The following TANC2 variants were observed in gnomAD, a reference collection of about 807,000 sequenced individuals.
TANC2 encodes the protein protein TANC2.
Under a neutral mutation model 210.5 loss-of-function variants are expected in TANC2, and 26 were observed. That is an observed-to-expected ratio of 0.12 (90% CI 0.09 to 0.17). The LOEUF (loss-of-function observed/expected upper bound fraction) is 0.17, where lower values mean the gene tolerates loss of function less well. TANC2 is among the 10% of genes least tolerant of loss of function. TANC2 has a pLI of 1.00. For missense variants in TANC2, 2,129 were observed against 2,608.9 expected (o/e 0.82, Z 4.01); for synonymous variants, 931 against 967.1 (o/e 0.96, Z 0.69).
At chr17:63,380,323 T>C (rs1227756141) in intron 15 of TANC2, among the ~76,000 whole-genome samples, 3 of 152,214 alleles carry the variant, frequency 2.0e-5, no homozygotes, top group Non-Finnish European at 4.4e-5. Flanking sequence ...TCCCATTAGT[T>C]TGAAAACCTT....
At chr17:63,157,101 G>A (rs1216380325) in intron 5 of TANC2, among the ~76,000 whole-genome samples, 2 of 152,110 alleles carry the variant, frequency 1.3e-5, no homozygotes, top group Admixed American at 6.6e-5. Context: ...GGGGATCGGG[G>A]ACAATTGTGT....
At chr17:62,967,980 CTT>C (rs1259860660) in intron 1 of TANC2, among the ~76,000 whole-genome samples, 1 of 152,206 alleles carries the variant, frequency 6.6e-6, no homozygotes, top group Non-Finnish European at 1.5e-5. Context: ...CTCCCTCTCT[CTT>C]GCTCCCCTCT....
rs1479377540 is a variant in TANC2, at chr17:63,104,840, C to T, written c.322+5483C>T. Among the ~76,000 whole-genome samples the T allele has an allele frequency of 1.4e-5, 2 of 148,016 alleles. 1 individual carries two copies. Among genetic ancestry groups the T allele is most frequent in the African/African-American group, 5.3e-5 (2 of 37,550 alleles). The stretch of plus-strand genomic sequence containing the variant: ...TATAACAAAATGAACCCTGTCATTT[C>T]CTGACTCTGTAATCTCGCTCAAATT... On this transcript the variant is annotated intron_variant, in intron 4 of 27. Coordinates refer to ENST00000689528, the Ensembl canonical transcript of TANC2.
At chr17:63,258,584 C>T (rs767823394) in intron 8 of TANC2, among the ~76,000 whole-genome samples, 12 of 152,126 alleles carry the variant, frequency 7.9e-5, no homozygotes, top group Non-Finnish European at 1.8e-4. Flanking sequence ...TCCCACTCTT[C>T]CTCACCTTCC....
chr17:63,239,168 A>G (rs1002247476), intron 8 of TANC2, among the ~76,000 whole-genome samples: 1 of 152,016 alleles, frequency 6.6e-6, no homozygotes, highest in African/African-American at 2.4e-5. Context: ...AAAAAAAGAA[A>G]GAAATGATAC....
intron 4 of TANC2, among the ~76,000 whole-genome samples, chr17:63,123,142 C>G (rs551895052): frequency 1.3e-5 from 2 of 151,948 alleles, no homozygotes; most frequent in Admixed American, 6.5e-5. Context: ...AAAGATCTGC[C>G]AAAGATGATT....
At chr17:63,269,681 C>G (rs946719179) in intron 9 of TANC2, among the ~76,000 whole-genome samples, 1 of 152,060 alleles carries the variant, frequency 6.6e-6, no homozygotes, top group Non-Finnish European at 1.5e-5. Flanking sequence ...TGTGGTAGTA[C>G]CTATCTGCTT....
intron 15 of TANC2, among the ~76,000 whole-genome samples, chr17:63,382,757 A>C (rs996729701): frequency 6.6e-6 from 1 of 152,254 alleles, no homozygotes; most frequent in Non-Finnish European, 1.5e-5. Context: ...CACCCCTAAC[A>C]TGTTCTTCTC....
At chr17:63,052,795 A>G (rs2144406174) in intron 2 of TANC2, among the ~76,000 whole-genome samples, 1 of 152,346 alleles carries the variant, frequency 6.6e-6, no homozygotes, top group East Asian at 1.9e-4. Context: ...GAACTCTGCC[A>G]TTGCAACACA....
At chr17:63,329,217 GA>G (rs2045755449) in intron 11 of TANC2, among the ~76,000 whole-genome samples, 1 of 151,382 alleles carries the variant, frequency 6.6e-6, no homozygotes. Context: ...AAAATTTTAA[GA>G]AAAATTATAG....
At chr17:63,405,053 T>C (rs749619120) in intron 19 of TANC2, 69 bp from the exon 20 acceptor site, 21 of 1,426,268 alleles carry the variant, frequency 1.5e-5, no homozygotes, top group Non-Finnish European at 2.0e-5. Flanking sequence ...CAAGGATATG[T>C]CACGTTTAAC....
intron 4 of TANC2, among the ~76,000 whole-genome samples, chr17:63,139,713 G>A (rs1378887872): frequency 6.6e-6 from 1 of 152,146 alleles, no homozygotes; most frequent in African/African-American, 2.4e-5. Flanking sequence ...ATCAGCCTGG[G>A]CAACATAGTG....
intron 5 of TANC2, among the ~76,000 whole-genome samples, chr17:63,181,370 A>G (rs563534570): frequency 6.6e-6 from 1 of 152,326 alleles, no homozygotes; most frequent in African/African-American, 2.4e-5. Context: ...CCTGAGTGGT[A>G]TAGACTACCC....
At chr17:63,092,075 T>G (rs1169288378) in intron 3 of TANC2, among the ~76,000 whole-genome samples, 1 of 152,202 alleles carries the variant, frequency 6.6e-6, no homozygotes, top group Non-Finnish European at 1.5e-5. Flanking sequence ...ACATCAGAAG[T>G]TCATTCTTTT....
intron 10 of TANC2, among the ~76,000 whole-genome samples, chr17:63,315,011 G>T (rs1439911707): frequency 6.6e-6 from 1 of 152,132 alleles, no homozygotes; most frequent in Non-Finnish European, 1.5e-5. Flanking sequence ...CTCAGTCTGT[G>T]CCCAGTTCTT....
intron 7 of TANC2, among the ~76,000 whole-genome samples, chr17:63,226,252 T>C (rs1260451274): frequency 1.3e-5 from 2 of 152,234 alleles, no homozygotes; most frequent in African/African-American, 2.4e-5. Flanking sequence ...CTTACTGTAA[T>C]GTATTCTACT....
chr17:63,004,407 A>G (rs1195302813), intron 1 of TANC2, among the ~76,000 whole-genome samples: 1 of 152,178 alleles, frequency 6.6e-6, no homozygotes, highest in Non-Finnish European at 1.5e-5. Context: ...ATTTGTGCCA[A>G]GGTGGCTATG....
rs1278933542 is a variant in TANC2, at chr17:63,107,556, A to G, written c.322+8199A>G. 2.0e-5 allele frequency among the ~76,000 whole-genome samples: 3 copies of G among 151,752 alleles called. 1 individual carries two copies. The highest frequency in any genetic ancestry group is 7.3e-5 in the African/African-American group (3 of 41,014). ...ATGTATGTTCATAGCAGCATTATTCATAATAGCCAAAGAGTGAAAACAGTT... is the reference window on the plus strand; with the variant it reads ...ATGTATGTTCATAGCAGCATTATTCGTAATAGCCAAAGAGTGAAAACAGTT... On this transcript the variant is annotated intron_variant, in intron 4 of 27. Coordinates refer to ENST00000689528, the Ensembl canonical transcript of TANC2.
At chr17:63,154,623 A>G (rs972648179) in intron 5 of TANC2, 3 of 152,162 alleles carry the variant, frequency 2.0e-5, no homozygotes, top group Non-Finnish European at 4.4e-5. Flanking sequence ...TCAGTTTAAT[A>G]TATATAAAGC....
Sources: allele counts gnomAD v4.1 joint callset (sites outside exome capture counted in the v4.1 genomes callset), GRCh38; gene constraint gnomAD v4.1.1; transcripts MANE v1.5; gene names NCBI Gene and HGNC (gene_info 2026-07-23, HGNC 2026-07-21).